Variants in CNR2 observed in about 807,000 individuals in gnomAD.
The protein encoded by CNR2 is cannabinoid receptor 2 (macrophage).
For synonymous variants in CNR2, 172 were observed against 182.2 expected, an observed-to-expected ratio of 0.94 and a Z score of 0.45; for missense variants, 379 against 439.9, an observed-to-expected ratio of 0.86 and a Z score of 1.24.
chr1:23,877,248 TTCTGGAAGTCAA>T (rs1199452099), intron 1 of CNR2, among the ~76,000 whole-genome samples: 1 of 151,584 alleles, frequency 6.6e-6, no homozygotes, highest in Non-Finnish European at 1.5e-5. Flanking sequence ...CAAGTAGAAT[TTCTGGAAGTCAA>T]AAATAAAATC....
At chr1:23,878,390 T>C (rs1049128150) in intron 1 of CNR2, among the ~76,000 whole-genome samples, 4 of 151,260 alleles carry the variant, frequency 2.6e-5, no homozygotes, top group Admixed American at 6.6e-5. Flanking sequence ...TTATTCAGGA[T>C]CCATGAAAAA....
chr1:23,900,326 A>G (rs951215277), intron 1 of CNR2, among the ~76,000 whole-genome samples: 1 of 151,500 alleles, frequency 6.6e-6, no homozygotes, highest in African/African-American at 2.4e-5. Flanking sequence ...AGTAATAATA[A>G]AATTCCGGTC....
chr1:23,885,977 C>T (rs1398669870), intron 1 of CNR2, among the ~76,000 whole-genome samples: 1 of 151,724 alleles, frequency 6.6e-6, no homozygotes, highest in East Asian at 1.9e-4. Context: ...ATCACAAGGT[C>T]AGGAGTTTGA....
At chr1:23,887,489 T>A (rs1640111650) in intron 1 of CNR2, among the ~76,000 whole-genome samples, 1 of 152,176 alleles carries the variant, frequency 6.6e-6, no homozygotes, top group Non-Finnish European at 1.5e-5. Flanking sequence ...CACCAACATG[T>A]GTGGTTATTA....
Position 23,875,430 on chromosome 1 carries a change from T to C in CNR2, c.188A>G (p.Gln63Arg), listed in dbSNP as rs2501432. ...AVLYLILSSH[Q>R]LRRKPSYLFI... ...CAGGTATGAGGGCTTCCGGCGGAGT[T>C]GGTGGGAGGACAGGATCAGATAGAG... The change falls in exon 2 of 2, where the codon CAA becomes CGA. Residue 63 changes from glutamine to arginine, a missense_variant. Physicochemically the swap from Gln to Arg is conservative, Grantham distance 43. Transcript: ENST00000374472. 0.59 allele frequency: 957,623 copies of C among 1,613,492 alleles called. 286,862 individuals carry two copies. The highest frequency in any genetic ancestry group is 0.76 in the African/African-American group (56,890 of 74,878).
At chr1:23,884,778 T>C in intron 1 of CNR2, among the ~76,000 whole-genome samples, 1 of 151,254 alleles carries the variant, frequency 6.6e-6, no homozygotes, top group East Asian at 1.9e-4. Context: ...GCACAATGCT[T>C]GCTGCATAGC....
chr1:23,898,332 C>CG (rs1640322345), intron 1 of CNR2, among the ~76,000 whole-genome samples: 1 of 68,302 alleles, frequency 1.5e-5, no homozygotes, highest in African/African-American at 5.8e-5. Flanking sequence ...CCACCGCGCC[C>CG]GGCTTTTTTT....
chr1:23,905,190 CTTT>C (rs1199647705), intron 1 of CNR2, among the ~76,000 whole-genome samples: 1 of 143,192 alleles, frequency 7.0e-6, no homozygotes. Flanking sequence ...TCTTTTCTTT[CTTT>C]TTTTTTTTTT....
intron 1 of CNR2, among the ~76,000 whole-genome samples, chr1:23,908,978 G>C (rs561911648): frequency 6.6e-6 from 1 of 152,152 alleles, no homozygotes; most frequent in South Asian, 2.1e-4. Context: ...CTCACTGTAT[G>C]AGCAGGAGAT....
rs561428180 is a variant in CNR2 at position 23,887,593 on chromosome 1, C to G, written c.-45-11931G>C. Reference sequence around the variant, plus strand: ...TGGGACACACAGAGCAACGGGAAACCCAGCTCACTGTCTTCCCTTTGGACA... The same window carrying G: ...TGGGACACACAGAGCAACGGGAAACGCAGCTCACTGTCTTCCCTTTGGACA... On this transcript the variant is annotated intron_variant, in intron 1 of 1. Transcript: ENST00000374472. Among the ~76,000 whole-genome samples the G allele has an allele frequency of 3.3e-5, 5 of 152,260 alleles. No homozygotes were observed. In the South Asian group the frequency reaches 1.0e-3, roughly 32 times the overall value.
intron 1 of CNR2, chr1:23,902,025 T>C (rs1369891499): frequency 5.6e-6 from 9 of 1,600,494 alleles, no homozygotes; most frequent in South Asian, 1.1e-5. Flanking sequence ...AGAGTCAGGA[T>C]GTCTGGATGT....
At chr1:23,879,989 C>A (rs1639951038) in intron 1 of CNR2, among the ~76,000 whole-genome samples, 1 of 152,200 alleles carries the variant, frequency 6.6e-6, no homozygotes, top group East Asian at 1.9e-4. Flanking sequence ...GCTTTAGCCA[C>A]ATTGGCTTCT....
intron 1 of CNR2, among the ~76,000 whole-genome samples, chr1:23,885,611 G>A (rs534827398): frequency 2.0e-5 from 3 of 152,232 alleles, no homozygotes; most frequent in East Asian, 1.9e-4. Context: ...CGGGCGCGGC[G>A]GCTCACACCT....
intron 1 of CNR2, among the ~76,000 whole-genome samples, chr1:23,890,829 T>C (rs566032971): frequency 6.6e-6 from 1 of 150,758 alleles, no homozygotes; most frequent in East Asian, 2.0e-4. Flanking sequence ...TGTTCAGCCA[T>C]GGGGCTTTCC....
chr1:23,875,911 T>G (rs1639866975), intron 1 of CNR2, among the ~76,000 whole-genome samples: 1 of 152,022 alleles, frequency 6.6e-6, no homozygotes, highest in African/African-American at 2.4e-5. Flanking sequence ...TTTTTGGCCT[T>G]CCATTTTCCA....
At chr1:23,893,654 T>C (rs987102650) in intron 1 of CNR2, among the ~76,000 whole-genome samples, 1 of 152,170 alleles carries the variant, frequency 6.6e-6, no homozygotes, top group Non-Finnish European at 1.5e-5. Context: ...AGCCACCTAC[T>C]CTCTCTTGTC....
At chr1:23,885,170 TG>T (rs1244267980) in intron 1 of CNR2, among the ~76,000 whole-genome samples, 1 of 151,470 alleles carries the variant, frequency 6.6e-6, no homozygotes, top group East Asian at 1.9e-4. Flanking sequence ...GAGGTTGAAA[TG>T]GGAGGATCCC....
At chr1:23,897,285 A>T (rs2502973) in intron 1 of CNR2, among the ~76,000 whole-genome samples, 124,246 of 151,978 alleles carry the variant, frequency 0.82, 50,938 homozygotes, top group Admixed American at 0.84. Flanking sequence ...AGAGCTGGCG[A>T]GAGAAAGGCA....
intron 1 of CNR2, among the ~76,000 whole-genome samples, chr1:23,912,904 T>A (rs2503004): frequency 0.93 from 141,570 of 152,254 alleles, 66,635 homozygotes; most frequent in East Asian, 1. Flanking sequence ...CAGTGGCTCA[T>A]GCCTGTAATC....
Sources: allele counts gnomAD v4.1 joint callset (sites outside exome capture counted in the v4.1 genomes callset), GRCh38; gene constraint gnomAD v4.1.1; transcripts MANE v1.5; gene names NCBI Gene and HGNC (gene_info 2026-07-23, HGNC 2026-07-21).